Variants in JAK2 observed in about 807,000 individuals in gnomAD.
JAK2 encodes tyrosine-protein kinase JAK2.
A neutral mutation model predicts 139.3 loss-of-function variants in JAK2; 86 were observed. That is an observed-to-expected ratio of 0.62 (90% CI 0.52 to 0.74). JAK2 has a LOEUF of 0.74. Among genes scored for constraint, JAK2 ranks in the 30% least tolerant of loss-of-function variants. The pLI, the probability that JAK2 is intolerant of heterozygous loss-of-function variation, is 0.00. For synonymous variants in JAK2, 490 were observed against 437.7 expected (o/e 1.12, Z -1.49); for missense variants, 1,421 against 1,360.3 (o/e 1.04, Z -0.70).
At chr9:5,111,937 C>G in intron 22 of JAK2, 1 of 346,742 alleles carries the variant, frequency 2.9e-6, no homozygotes, top group Non-Finnish European at 5.7e-6. Context: ...CCGGATCACT[C>G]AAGCAATAAC....
chr9:5,031,085 A>G (rs1336225308), intron 4 of JAK2, among the ~76,000 whole-genome samples: 2 of 152,148 alleles, frequency 1.3e-5, no homozygotes, highest in East Asian at 3.8e-4. Context: ...GAAGAATATG[A>G]AGAATTAGGA....
rs375600983 is a variant in JAK2 at position 5,127,627 on chromosome 9, G to T, written c.*836G>T. 4.3e-6 allele frequency: 1 copy of T among 231,754 alleles called. No individual in the cohort carries two copies. The highest frequency in any genetic ancestry group is 8.6e-6 in the Non-Finnish European group (1 of 116,786). The allele number at this position is 231,754 out of a possible 1,614,324, so 14.4% of individuals were successfully genotyped here. On this transcript the variant is annotated 3_prime_UTR_variant, in exon 25 of 25. Transcript: ENST00000381652. ...GAACAGTTTTCTTTTAAAATTTTGA[G>T]ATTAAGAATGCCAGGAATATTGTCA...
chr9:5,080,809 A>G (rs1325169434), intron 18 of JAK2, 126 bp downstream of exon 18: 1 of 567,734 alleles, frequency 1.8e-6, no homozygotes, highest in Non-Finnish European at 2.9e-6. Flanking sequence ...TTAATTTCTT[A>G]TGTTCATATG....
chr9:5,114,699 A>G, intron 22 of JAK2: 1 of 406,814 alleles, frequency 2.5e-6, no homozygotes, highest in South Asian at 2.0e-5. Flanking sequence ...CCTGGAGGTT[A>G]CCAGGGCTGA....
chr9:5,079,161 T>A (rs1819507064), intron 16 of JAK2, among the ~76,000 whole-genome samples: 1 of 152,108 alleles, frequency 6.6e-6, no homozygotes, highest in South Asian at 2.1e-4. Flanking sequence ...GAGTAGGGAG[T>A]ATGGCAGAAA....
Position 5,041,486 on chromosome 9 carries a change from G to T in JAK2, c.351-2917G>T, listed in dbSNP as rs149062930. The T allele has an allele frequency of 3.0e-3, 1,756 of 593,784 alleles. 11 individuals are homozygous for T. Among genetic ancestry groups the T allele is most frequent in the Middle Eastern group, 8.6e-3 (28 of 3,246 alleles). The allele number at this position is 593,784 out of a possible 1,614,324, so 36.8% of individuals were successfully genotyped here. ...GCTCAAGGCTGACACGATCATGAGC[G>T]GTACAGAAGATCGGGGACACATAGC... is the stretch of plus-strand genomic sequence containing the variant. On this transcript the variant is annotated intron_variant, in intron 4 of 24. Transcript: ENST00000381652.
chr9:5,021,236 CT>C (rs1335730494), intron 2 of JAK2, among the ~76,000 whole-genome samples: 1 of 152,180 alleles, frequency 6.6e-6, no homozygotes, highest in Non-Finnish European at 1.5e-5. Flanking sequence ...CGTGTTCTCT[CT>C]TAGATGACCT....
intron 22 of JAK2, chr9:5,112,842 A>T (rs1327646080): frequency 3.6e-6 from 2 of 551,610 alleles, no homozygotes; most frequent in Non-Finnish European, 5.8e-6. Flanking sequence ...CCCGCTGGGC[A>T]CGTGTGAAAG....
At chr9:4,990,485 G>A (rs1274082128) in intron 2 of JAK2, among the ~76,000 whole-genome samples, 1 of 152,108 alleles carries the variant, frequency 6.6e-6, no homozygotes, top group Non-Finnish European at 1.5e-5. Context: ...GCATACAGTG[G>A]GACATATGAC....
intron 22 of JAK2, among the ~76,000 whole-genome samples, chr9:5,105,029 A>G (rs1048333210): frequency 1.3e-5 from 2 of 152,238 alleles, no homozygotes; most frequent in Non-Finnish European, 1.5e-5. Context: ...CACCATTCCT[A>G]TTCAACACTG....
chr9:5,112,313 C>T, intron 22 of JAK2: 1 of 275,028 alleles, frequency 3.6e-6, no homozygotes, highest in Non-Finnish European at 7.0e-6. Context: ...CTCCAGCTAG[C>T]CAGGCGCCCT....
chr9:5,044,119 T>C (rs549753834), intron 4 of JAK2, among the ~76,000 whole-genome samples: 1 of 152,376 alleles, frequency 6.6e-6, no homozygotes, highest in East Asian at 1.9e-4. Flanking sequence ...GCTATGTTTT[T>C]AACTTTTTGT....
chr9:5,090,476 AT>A lies in JAK2; in HGVS notation c.2795del (p.Leu932TyrfsTer17). 6.4e-7 allele frequency: 1 copy of A among 1,573,572 alleles called. No homozygotes were observed. On this transcript the variant is annotated frameshift_variant, in exon 21 of 25. Transcript: ENST00000381652. LOFTEE classifies it high-confidence loss of function. ...GRRNLKLIME[Y>X]LPYGSLRDYL... is the part of the protein sequence containing the mutation. ...CGTAATCTAAAATTAATTATGGAAT[AT>A]TTACCATATGGAAGTTTACGAGACT...
At chr9:5,041,048 C>A in intron 4 of JAK2, 1 of 682,616 alleles carries the variant, frequency 1.5e-6, no homozygotes, top group Non-Finnish European at 2.7e-6. Flanking sequence ...AGCAGCTCAG[C>A]GCCATAGAGG....
At chr9:5,070,117 T>A (rs1197467178) in intron 12 of JAK2, 65 bp downstream of exon 12, 1 of 1,159,458 alleles carries the variant, frequency 8.6e-7, no homozygotes, top group African/African-American at 1.5e-5. Context: ...TTTTCTTGAT[T>A]TACATTCATG....
chr9:4,987,014 A>C (rs962051802), intron 2 of JAK2, among the ~76,000 whole-genome samples: 6 of 152,138 alleles, frequency 3.9e-5, no homozygotes, highest in Non-Finnish European at 7.4e-5. Flanking sequence ...CCCTTCCCCC[A>C]TCCGCCTCAC....
At chr9:5,116,831 A>ACT (rs1823227684) in intron 22 of JAK2, among the ~76,000 whole-genome samples, 1 of 152,234 alleles carries the variant, frequency 6.6e-6, no homozygotes, top group Non-Finnish European at 1.5e-5. Context: ...ATAATTAGGA[A>ACT]AAGTCATATG....
chr9:5,000,462 C>G (rs969175631), intron 2 of JAK2, among the ~76,000 whole-genome samples: 1 of 152,012 alleles, frequency 6.6e-6, no homozygotes, highest in African/African-American at 2.4e-5. Flanking sequence ...AGGAATGATT[C>G]AAATATAAAG....
chr9:5,054,569 G>A lies in JAK2; in HGVS notation c.621G>A (p.Lys207=). 3 of 1,576,852 alleles carry A rather than the reference G, an allele frequency of 1.9e-6. No individual in the cohort carries two copies. The highest frequency in any genetic ancestry group is 2.6e-6 in the Non-Finnish European group (3 of 1,159,668). ...TGTGCTTTTTTATCCCTAGCTACAA[G>A]ACATTCTTACCAAAATGTATTCGAG... The part of the protein sequence containing the change: ...PLAIYNSISY[K]TFLPKCIRAK... Residue 207 remains lysine (K), a synonymous_variant, in exon 7 of 25, where the codon AAG becomes AAA. Coordinates refer to ENST00000381652, the MANE Select transcript of JAK2 (RefSeq NM_004972.4). The surrounding 1 kb of genome is among the most constrained non-coding windows in gnomAD (Gnocchi z 4.9).
Sources: allele counts gnomAD v4.1 joint callset (sites outside exome capture counted in the v4.1 genomes callset), GRCh38; gene constraint gnomAD v4.1.1; non-coding constraint Gnocchi (gnomAD v3.1); transcripts MANE v1.5; gene names NCBI Gene and HGNC (gene_info 2026-07-23, HGNC 2026-07-21).